Variants in CARF observed in about 807,000 individuals in gnomAD.
CARF encodes calcium-responsive transcription factor.
A neutral mutation model predicts 82.0 loss-of-function variants in CARF; 57 were observed. The ratio of observed to expected loss-of-function variants is 0.70; its 90% CI spans 0.56 to 0.87. CARF has a LOEUF of 0.87. CARF is among the 40% of genes least tolerant of loss of function. CARF has a pLI of 0.00. For synonymous variants in CARF, 268 were observed against 290.1 expected, an observed-to-expected ratio of 0.92 and a Z score of 0.77; for missense variants, 771 against 855.8, an observed-to-expected ratio of 0.90 and a Z score of 1.24.
chr2:202,950,164 A>G (rs1291765236), intron 5 of CARF, among the ~76,000 whole-genome samples: 1 of 152,206 alleles, frequency 6.6e-6, no homozygotes, highest in Admixed American at 6.5e-5. Flanking sequence ...GTCAGATTAT[A>G]TGAATTGTAA....
At chr2:202,920,788 T>C (rs1690651944) in intron 2 of CARF, among the ~76,000 whole-genome samples, 1 of 152,190 alleles carries the variant, frequency 6.6e-6, no homozygotes, top group South Asian at 2.1e-4. Flanking sequence ...AGGTAAATTT[T>C]TAAAACGTTA....
chr2:202,924,289 T>C lies in CARF; in HGVS notation c.-162-8T>C, dbSNP rs2105962026. On this transcript the variant is annotated splice_polypyrimidine_tract_variant and splice_region_variant and intron_variant, in intron 2 of 16. Transcript: ENST00000438828. ...TTTTTCTTTTATATTTTGTACTGTTTGTTTCAGGTTTAATATATCTTTGCC... is the reference window on the plus strand; with the variant it reads ...TTTTTCTTTTATATTTTGTACTGTTCGTTTCAGGTTTAATATATCTTTGCC... 6.6e-6 allele frequency: 1 copy of C among 152,336 alleles called. No individual in the cohort carries two copies. The highest frequency in any genetic ancestry group is 2.4e-5 in the African/African-American group (1 of 41,580). The allele number at this position is 152,336 out of a possible 1,614,324, so 9.4% of individuals were successfully genotyped here. A position where few individuals can be genotyped will look rare whatever the true frequency, so the allele number is the denominator to read the frequency against.
chr2:202,955,710 A>T lies in CARF; in HGVS notation c.594A>T (p.Pro198=), dbSNP rs777477951. 1 of 1,612,252 alleles carries T rather than the reference A, an allele frequency of 6.2e-7. No homozygotes were observed. The change falls in exon 8 of 17, where the codon CCA becomes CCT. Residue 198 remains proline (P), a synonymous_variant. Transcript: ENST00000438828. ...LEEPLLGPLQ[P]LSSNTPIWAC... ...AACCCCTTCTGGGGCCTCTTCAGCC[A>T]CTTTCTTCTAATACACCTATATGGG...
intron 3 of CARF, chr2:202,925,707 T>C: frequency 5.5e-6 from 1 of 182,862 alleles, no homozygotes; most frequent in Non-Finnish European, 1.2e-5. Flanking sequence ...AGTGCCAAGC[T>C]GGAAGCCATC....
chr2:202,947,118 A>G (rs1194929821), intron 5 of CARF, among the ~76,000 whole-genome samples: 1 of 152,072 alleles, frequency 6.6e-6, no homozygotes, highest in African/African-American at 2.4e-5. Context: ...CAGCAATCTC[A>G]TTACTTTGTG....
intron 3 of CARF, among the ~76,000 whole-genome samples, chr2:202,937,945 AAT>A (rs934295403): frequency 4.6e-5 from 7 of 151,804 alleles, no homozygotes; most frequent in African/African-American, 7.2e-5. Flanking sequence ...AAAAAAAAAA[AAT>A]GTTTTAATTG....
chr2:202,954,247 T>C, intron 7 of CARF, 113 bp downstream of exon 7: 10 of 1,104,188 alleles, frequency 9.1e-6, no homozygotes, highest in Non-Finnish European at 1.1e-5. Flanking sequence ...TAGAAGGAAC[T>C]ATCATTGAAT....
At chr2:202,928,505 G>A (rs1375063346) in intron 3 of CARF, among the ~76,000 whole-genome samples, 1 of 152,016 alleles carries the variant, frequency 6.6e-6, no homozygotes, top group Non-Finnish European at 1.5e-5. Context: ...TGGAATTGCT[G>A]GATCATATGG....
In CARF at chr2:202,967,076, T is replaced by C. The variant is rs1308706346; in HGVS notation, c.931T>C (p.Tyr311His). ...SEQESRSCQL[Y>H]KATCPARIYI... The stretch of plus-strand genomic sequence containing the variant: ...GCAGGAAAGCAGGTCTTGTCAGCTC[T>C]ACAAAGCCACTTGTCCAGCTCGGTA... Residue 311 changes from tyrosine to histidine, a missense_variant, in exon 10 of 17, where the codon TAC (tyrosine) becomes CAC (histidine). Physicochemically the swap from Tyr to His is moderately conservative, Grantham distance 83 (BLOSUM62 2). Coordinates refer to ENST00000438828, the MANE Select transcript of CARF (RefSeq NM_024744.17). 1 of 1,614,072 alleles carries C rather than the reference T, an allele frequency of 6.2e-7. No individual in the cohort carries two copies. Among genetic ancestry groups the C allele is most frequent in the East Asian group, 2.2e-5 (1 of 44,856 alleles).
chr2:202,915,577 C>T (rs191822037), intron 1 of CARF, among the ~76,000 whole-genome samples: 104 of 152,302 alleles, frequency 6.8e-4, no homozygotes, highest in African/African-American at 2.4e-3. Flanking sequence ...TCAAGCAATT[C>T]CCCTGCCTCA....
chr2:202,964,273 T>C (rs2059446363), intron 9 of CARF, among the ~76,000 whole-genome samples: 1 of 151,674 alleles, frequency 6.6e-6, no homozygotes, highest in South Asian at 2.1e-4. Flanking sequence ...TAAAAATCTT[T>C]GTTTGTTTGT....
chr2:202,983,482 G>T, intron 16 of CARF, 24 bp from the exon 17 acceptor site: 1 of 1,400,004 alleles, frequency 7.1e-7, no homozygotes, highest in Non-Finnish European at 1.0e-6. Context: ...TTAACTTTTA[G>T]GATTTTTCTG....
intron 5 of CARF, among the ~76,000 whole-genome samples, chr2:202,944,918 T>G (rs2058420479): frequency 6.6e-6 from 1 of 152,174 alleles, no homozygotes. Flanking sequence ...ACACTCTTTG[T>G]AATTGGATTA....
intron 3 of CARF, among the ~76,000 whole-genome samples, chr2:202,938,579 T>G (rs982776640): frequency 6.7e-6 from 1 of 149,124 alleles, no homozygotes; most frequent in Non-Finnish European, 1.5e-5. Flanking sequence ...CAACTTTCAG[T>G]TTTTTTTTAA....
rs1363671062 is a variant in CARF, at chr2:202,986,867, C to G, written c.*3243C>G. The G allele has an allele frequency of 1.8e-5, 1 of 56,690 alleles. No individual in the cohort carries two copies. The highest frequency in any genetic ancestry group is 1.9e-4 in the Admixed American group (1 of 5,202). The allele number at this position is 56,690 out of a possible 1,614,324, so 3.5% of individuals were successfully genotyped here. A position where few individuals can be genotyped will look rare whatever the true frequency, so the allele number is the denominator to read the frequency against. ...AAAAGAGGTTTAAAAAATGTCTGTG[C>G]GTATATATATATATATATATATATA... On this transcript the variant is annotated 3_prime_UTR_variant, in exon 17 of 17. Transcript: ENST00000438828.
At chr2:202,969,109 G>A (rs2059671435) in intron 10 of CARF, among the ~76,000 whole-genome samples, 1 of 152,146 alleles carries the variant, frequency 6.6e-6, no homozygotes, top group Non-Finnish European at 1.5e-5. Flanking sequence ...GACCAACATG[G>A]TGAAACCCCG....
chr2:202,945,261 A>T (rs1355729857), intron 5 of CARF, among the ~76,000 whole-genome samples: 1 of 152,088 alleles, frequency 6.6e-6, no homozygotes, highest in Non-Finnish European at 1.5e-5. Context: ...ATCCCCCTTT[A>T]TCAACATCTC....
At chr2:202,982,753 A>G (rs1219657766) in intron 16 of CARF, among the ~76,000 whole-genome samples, 1 of 152,222 alleles carries the variant, frequency 6.6e-6, no homozygotes, top group Non-Finnish European at 1.5e-5. Context: ...TGAAAAAATT[A>G]ATAGGAAAAA....
At chr2:202,936,254 A>G (rs2105781043) in intron 3 of CARF, among the ~76,000 whole-genome samples, 1 of 152,288 alleles carries the variant, frequency 6.6e-6, no homozygotes, top group Admixed American at 6.5e-5. Flanking sequence ...GTACACACAC[A>G]TTGTGGTGGT....
Sources: gnomAD v4.1 joint callset for allele counts (sites outside exome capture counted in the v4.1 genomes callset) on GRCh38, gnomAD v4.1.1 for gene constraint, MANE v1.5 for transcripts, NCBI Gene and HGNC (gene_info 2026-07-23, HGNC 2026-07-21) for gene names.